PRDM16: variants seen among roughly 807,000 people sequenced by gnomAD.
The protein encoded by PRDM16 is histone-lysine N-methyltransferase PRDM16.
In PRDM16, 23 loss-of-function variants were observed where a neutral mutation model predicts 110.6. The ratio of observed to expected loss-of-function variants is 0.21; its 90% confidence interval spans 0.15 to 0.29. The LOEUF is 0.29. PRDM16 is among the 10% of genes least tolerant of loss of function. The pLI, the probability that PRDM16 is intolerant of heterozygous loss-of-function variation, is 1.00. For synonymous variants in PRDM16, 799 were observed against 781.8 expected (o/e 1.02, Z -0.37); for missense variants, 1,615 against 1,794.3 (o/e 0.90, Z 1.81).
At chr1:3,260,476 G>C (rs1323615683) in intron 3 of PRDM16, among the ~76,000 whole-genome samples, 1 of 151,986 alleles carries the variant, frequency 6.6e-6, no homozygotes, top group East Asian at 2.0e-4. Context: ...AATAACTTTT[G>C]CCTCAGAGTT....
intron 1 of PRDM16, among the ~76,000 whole-genome samples, chr1:3,097,656 T>C (rs535497238): frequency 5.9e-5 from 9 of 152,300 alleles, no homozygotes; most frequent in Admixed American, 1.3e-4. Context: ...ACAGCCCCTC[T>C]GGGGGTCTTG....
intron 2 of PRDM16, among the ~76,000 whole-genome samples, chr1:3,205,501 A>C (rs1456489522): frequency 6.6e-6 from 1 of 152,300 alleles, no homozygotes; most frequent in East Asian, 1.9e-4. Context: ...CCAGAAACCC[A>C]AAAGGCCAGG....
chr1:3,225,658 CG>C (rs1269663889), intron 2 of PRDM16, among the ~76,000 whole-genome samples: 4 of 151,406 alleles, frequency 2.6e-5, no homozygotes, highest in Admixed American at 1.3e-4. Flanking sequence ...CTTATTTTGG[CG>C]TGGAATGGGG....
chr1:3,264,190 C>T lies in PRDM16; in HGVS notation c.438+20053C>T, dbSNP rs115463442. 2.5e-3 allele frequency among the ~76,000 whole-genome samples: 386 copies of T among 152,282 alleles called. 1 individual carries two copies. Among genetic ancestry groups the T allele is most frequent in the African/African-American group, 8.6e-3 (359 of 41,564 alleles). ...TTACAATAACAGGTGCTATGGAGTC[C>T]GAAAATGGGGCGCTGTGTGACCTGG... On this transcript the variant is annotated intron_variant, in intron 3 of 16. Coordinates refer to ENST00000270722, the MANE Select transcript of PRDM16 (RefSeq NM_022114.4).
chr1:3,082,474 C>T (rs1261234864), intron 1 of PRDM16, among the ~76,000 whole-genome samples: 6 of 152,220 alleles, frequency 3.9e-5, no homozygotes, highest in Non-Finnish European at 5.9e-5. Flanking sequence ...GGGGACCATT[C>T]CCAAGGAGCC....
chr1:3,317,956 T>C (rs1254645792), intron 3 of PRDM16, among the ~76,000 whole-genome samples: 1 of 152,222 alleles, frequency 6.6e-6, no homozygotes, highest in East Asian at 1.9e-4. Context: ...AATTTGCTCA[T>C]TGCTGCTAGC....
intron 3 of PRDM16, among the ~76,000 whole-genome samples, chr1:3,312,191 C>CG (rs1241473486): frequency 6.6e-6 from 1 of 152,226 alleles, no homozygotes; most frequent in East Asian, 1.9e-4. Flanking sequence ...GCACAGAGCT[C>CG]GGCCTGGCCC....
In PRDM16 at chr1:3,150,018, G is replaced by A. The variant is rs139793719; in HGVS notation, c.38-36107G>A. Among the ~76,000 whole-genome samples the A allele has an allele frequency of 1.4e-3, 220 of 152,340 alleles. 1 individual carries two copies. Among genetic ancestry groups the A allele is most frequent in the African/African-American group, 5.1e-3 (211 of 41,594 alleles). On this transcript the variant is annotated intron_variant, in intron 1 of 16. Transcript: ENST00000270722. ...AGGACAAGTGGACACTGGCTGGGGC[G>A]TGTCCATCTCCTGTCATGGCTCCTG... is the stretch of plus-strand genomic sequence containing the variant.
intron 3 of PRDM16, among the ~76,000 whole-genome samples, chr1:3,366,004 G>T (rs546611321): frequency 6.7e-6 from 1 of 148,454 alleles, no homozygotes; most frequent in Non-Finnish European, 1.5e-5. Context: ...ACACATACGC[G>T]CACGCACACA....
At chr1:3,077,137 T>G (rs1641917407) in intron 1 of PRDM16, among the ~76,000 whole-genome samples, 1 of 152,244 alleles carries the variant, frequency 6.6e-6, no homozygotes, top group African/African-American at 2.4e-5. Context: ...CCTTTCCCAC[T>G]TTAGAAGAAT....
rs1272291883 is a variant in PRDM16, at chr1:3,290,703, G to C, written c.438+46566G>C. ...AACCCAGGGAAACAACAGGGCTCCA[G>C]GGGGACGTGCAGGGAGTGGAAGAAA... On this transcript the variant is annotated intron_variant, in intron 3 of 16. Coordinates refer to ENST00000270722, the MANE Select transcript of PRDM16 (RefSeq NM_022114.4). The surrounding 1 kb of genome is among the most constrained non-coding windows in gnomAD (Gnocchi z 4.8). 6.6e-6 allele frequency among the ~76,000 whole-genome samples: 1 copy of C among 152,174 alleles called. No individual in the cohort carries two copies. Among genetic ancestry groups the C allele is most frequent in the Non-Finnish European group, 1.5e-5 (1 of 68,038 alleles).
Position 3,265,090 on chromosome 1 carries a change from C to T in PRDM16, c.438+20953C>T, listed in dbSNP as rs1216584356. ...CCAGGGCCCAGGAGGGAGGGGAGAC[C>T]AGCAGGGAGGCGGGAGGCAGCCCTG... On this transcript the variant is annotated intron_variant, in intron 3 of 16. Coordinates refer to ENST00000270722, the MANE Select transcript of PRDM16 (RefSeq NM_022114.4). The surrounding 1 kb of genome is among the most constrained non-coding windows in gnomAD (Gnocchi z 4.5). Among the ~76,000 whole-genome samples the T allele has an allele frequency of 6.6e-6, 1 of 152,068 alleles. No individual in the cohort carries two copies. The highest frequency in any genetic ancestry group is 2.4e-5 in the African/African-American group (1 of 41,400).
Position 3,244,678 on chromosome 1 carries a change from C to G in PRDM16, c.438+541C>G, listed in dbSNP as rs1181386939. Among the ~76,000 whole-genome samples the G allele has an allele frequency of 6.6e-6, 1 of 152,054 alleles. No individual in the cohort carries two copies. Among genetic ancestry groups the G allele is most frequent in the African/African-American group, 2.4e-5 (1 of 41,398 alleles). ...TGGTGGATAACGGCTGGTGGACAAA[C>G]ATTAGGTCTAACAGATCCAGAGGGA... On this transcript the variant is annotated intron_variant, in intron 3 of 16. Transcript: ENST00000270722. This position sits in a 1 kb window ranked among gnomAD's most constrained non-coding sequence, Gnocchi z 4.1.
In PRDM16 at chr1:3,103,217, A is replaced by G. The variant is rs564868193; in HGVS notation, c.37+33921A>G. Among the ~76,000 whole-genome samples the G allele has an allele frequency of 2.6e-5, 4 of 152,300 alleles. No homozygotes were observed. The South Asian group carries it at 8.3e-4, about 32-fold the overall frequency. On this transcript the variant is annotated intron_variant, in intron 1 of 16. Transcript: ENST00000270722. ...CAGACTGGGCAGCTTAGACAGCAGG[A>G]GTTTGTTTTTTCAAAACAAAGGGTC... is the stretch of plus-strand genomic sequence containing the variant.
intron 3 of PRDM16, among the ~76,000 whole-genome samples, chr1:3,313,796 A>T (rs958095400): frequency 1.3e-5 from 2 of 152,256 alleles, no homozygotes; most frequent in Non-Finnish European, 2.9e-5. Context: ...ACTGGAACGC[A>T]GCCTAGAGGC....
Position 3,069,314 on chromosome 1 carries a change from G to GGCCGC in PRDM16, c.37+29_37+33dup, listed in dbSNP as rs1641680665. On this transcript the variant is annotated intron_variant, in intron 1 of 16. Coordinates refer to ENST00000270722, the MANE Select transcript of PRDM16 (RefSeq NM_022114.4). The surrounding 1 kb of genome is among the most constrained non-coding windows in gnomAD (Gnocchi z 6.1). ...AGCCAAAAGTAAGTCTCCCGCGCTC[G>GGCCGC]GCCGCGCCGCGCCGCCGGGGCCCGG... is the stretch of plus-strand genomic sequence containing the variant. 7.5e-7 allele frequency: 1 copy of GGCCGC among 1,336,478 alleles called. No homozygotes were observed. Among genetic ancestry groups the GGCCGC allele is most frequent in the Non-Finnish European group, 9.8e-7 (1 of 1,022,592 alleles). 82.8% of individuals were successfully genotyped at this position (1,336,478 alleles called of 1,614,324 possible).
chr1:3,259,149 G>A (rs967582408), intron 3 of PRDM16, among the ~76,000 whole-genome samples: 3 of 152,178 alleles, frequency 2.0e-5, no homozygotes, highest in Non-Finnish European at 4.4e-5. Flanking sequence ...CCTCCGTCCC[G>A]GCCCTTCTGC....
intron 2 of PRDM16, among the ~76,000 whole-genome samples, chr1:3,225,573 T>TGTGTGTGCGCGCGCGC (rs1336272072): frequency 2.3e-5 from 3 of 129,804 alleles, no homozygotes; most frequent in Admixed American, 7.8e-5. Flanking sequence ...TGTGTGTGTG[T>TGTGTGTGCGCGCGCGC]GCGCGCGCGC....
At chr1:3,259,585 C>T (rs769244167) in intron 3 of PRDM16, among the ~76,000 whole-genome samples, 7 of 152,116 alleles carry the variant, frequency 4.6e-5, no homozygotes, top group Admixed American at 3.9e-4. Context: ...GCAAATCAGG[C>T]CCCCCCAAGA....
Sources: allele counts gnomAD v4.1 joint callset (sites outside exome capture counted in the v4.1 genomes callset), GRCh38; gene constraint gnomAD v4.1.1; non-coding constraint Gnocchi (gnomAD v3.1); transcripts MANE v1.5; gene names NCBI Gene and HGNC (gene_info 2026-07-23, HGNC 2026-07-21).